The following RARB variants were observed in gnomAD, a reference collection of about 807,000 sequenced individuals.
The protein encoded by RARB is HBV-activated protein.
Under a neutral mutation model 51.9 loss-of-function variants are expected in RARB, and 17 were observed. The observed-to-expected ratio is 0.33, with a 90% CI of 0.22 to 0.49. The LOEUF is 0.49. Among genes scored for constraint, RARB ranks in the 20% least tolerant of loss-of-function variants. The pLI is 0.99. For missense variants in RARB, 369 were observed against 550.8 expected (o/e 0.67, Z 3.30); for synonymous variants, 215 against 195.4 (o/e 1.10, Z -0.84).
intron 3 of RARB, among the ~76,000 whole-genome samples, chr3:25,082,369 T>G (rs1304170675): frequency 3.9e-5 from 6 of 152,108 alleles, no homozygotes; most frequent in Admixed American, 1.3e-4. Flanking sequence ...TAATTCTTCT[T>G]TTTTCTGATT....
At chr3:25,092,489 A>G (rs181436515) in intron 3 of RARB, among the ~76,000 whole-genome samples, 45 of 152,184 alleles carry the variant, frequency 3.0e-4, no homozygotes, top group African/African-American at 1.0e-3. Context: ...TCTTATTTTT[A>G]CTATTGTTCC....
At chr3:25,517,695 A>G (rs1290861534) in intron 3 of RARB, among the ~76,000 whole-genome samples, 1 of 152,236 alleles carries the variant, frequency 6.6e-6, no homozygotes, top group Non-Finnish European at 1.5e-5. Flanking sequence ...GTTGACAGAA[A>G]TGCTCATAGA....
chr3:24,866,498 G>C (rs1490554980), intron 2 of RARB, among the ~76,000 whole-genome samples: 1 of 152,120 alleles, frequency 6.6e-6, no homozygotes, highest in African/African-American at 2.4e-5. Context: ...ATGAATTCCA[G>C]CATGCCACAC....
intron 5 of RARB, among the ~76,000 whole-genome samples, chr3:25,416,881 T>C (rs1049536846): frequency 1.3e-5 from 2 of 152,190 alleles, no homozygotes; most frequent in African/African-American, 4.8e-5. Flanking sequence ...GCCTCCTCTG[T>C]TACTGTTGTG....
At chr3:25,291,035 CA>C (rs1272098221) in intron 5 of RARB, among the ~76,000 whole-genome samples, 1 of 152,196 alleles carries the variant, frequency 6.6e-6, no homozygotes, top group Non-Finnish European at 1.5e-5. Context: ...TTTTGCCCTA[CA>C]ACAGATCACT....
At position 25,461,184 on chromosome 3, in the gene RARB, C is replaced by A. The variant is rs78470280; in HGVS notation, c.158-9C>A. 11 of 1,602,474 alleles carry A rather than the reference C, an allele frequency of 6.9e-6. No individual in the cohort carries two copies. Among genetic ancestry groups the A allele is most frequent in the Admixed American group, 1.7e-5 (1 of 57,578 alleles). On this transcript the variant is annotated splice_polypyrimidine_tract_variant and intron_variant, in intron 1 of 7. Coordinates refer to ENST00000330688, the MANE Select transcript of RARB (RefSeq NM_000965.5). ...TCTTTTTTCTCCCTCTACCCCATCT[C>A]TATTATAGCAATTGAAACACAGAGC...
chr3:24,915,600 A>G (rs1256910547), intron 2 of RARB, among the ~76,000 whole-genome samples: 1 of 152,190 alleles, frequency 6.6e-6, no homozygotes, highest in Non-Finnish European at 1.5e-5. Flanking sequence ...ATGTTGTTTC[A>G]TGAAGGTTTT....
chr3:25,236,732 T>C (rs866418016), intron 5 of RARB, among the ~76,000 whole-genome samples: 25 of 152,128 alleles, frequency 1.6e-4, no homozygotes, highest in African/African-American at 5.8e-4. Flanking sequence ...TAGCATTTCA[T>C]ATTGAATTTG....
chr3:25,483,959 G>T (rs1317779630), intron 2 of RARB, among the ~76,000 whole-genome samples: 1 of 152,170 alleles, frequency 6.6e-6, no homozygotes, highest in African/African-American at 2.4e-5. Flanking sequence ...TTTCAGTTTG[G>T]TTATAAATGT....
intron 4 of RARB, among the ~76,000 whole-genome samples, chr3:25,145,171 C>G (rs1274650340): frequency 1.3e-5 from 2 of 152,112 alleles, no homozygotes; most frequent in Non-Finnish European, 2.9e-5. Flanking sequence ...AATAAAATTG[C>G]TATTTTTGTC....
chr3:25,549,865 C>T (rs757498798), intron 3 of RARB, among the ~76,000 whole-genome samples: 1 of 151,702 alleles, frequency 6.6e-6, no homozygotes, highest in Non-Finnish European at 1.5e-5. Context: ...CCAAAATTTA[C>T]ACAACTACTA....
At chr3:25,200,986 T>C (rs1013096497) in intron 5 of RARB, among the ~76,000 whole-genome samples, 1 of 152,216 alleles carries the variant, frequency 6.6e-6, no homozygotes, top group Non-Finnish European at 1.5e-5. Flanking sequence ...AAGAAAGTCA[T>C]TGGTAGATTG....
intron 5 of RARB, among the ~76,000 whole-genome samples, chr3:25,300,602 C>T (rs914617968): frequency 1.3e-5 from 2 of 152,084 alleles, no homozygotes; most frequent in African/African-American, 4.8e-5. Context: ...GATCATAAAG[C>T]CTTTAAAAGG....
chr3:25,136,351 T>C (rs1276410997), intron 4 of RARB, among the ~76,000 whole-genome samples: 2 of 151,992 alleles, frequency 1.3e-5, no homozygotes, highest in Non-Finnish European at 2.9e-5. Context: ...ATTAAAAAAA[T>C]TCCAACCATT....
intron 5 of RARB, among the ~76,000 whole-genome samples, chr3:25,382,888 AAC>A (rs1706672090): frequency 6.6e-6 from 1 of 152,182 alleles, no homozygotes. Context: ...GTATCAGGAT[AAC>A]ACAGCTGGCA....
At chr3:25,429,612 C>T (rs1575394813) in intron 1 of RARB, among the ~76,000 whole-genome samples, 1 of 152,092 alleles carries the variant, frequency 6.6e-6, no homozygotes, top group Non-Finnish European at 1.5e-5. Context: ...CAGTTCAGCC[C>T]GGAACGTGGA....
intron 2 of RARB, among the ~76,000 whole-genome samples, chr3:24,914,996 T>C (rs1195591960): frequency 6.6e-6 from 1 of 152,236 alleles, no homozygotes; most frequent in Non-Finnish European, 1.5e-5. Context: ...CATAGCATTA[T>C]AGAGATTGAT....
At chr3:25,335,066 C>G (rs902442344) in intron 5 of RARB, among the ~76,000 whole-genome samples, 2 of 152,032 alleles carry the variant, frequency 1.3e-5, no homozygotes, top group African/African-American at 4.8e-5. Flanking sequence ...AATTCCAGCC[C>G]CCACCCATGC....
intron 5 of RARB, among the ~76,000 whole-genome samples, chr3:25,398,578 G>C (rs1707179762): frequency 1.3e-5 from 2 of 152,142 alleles, no homozygotes; most frequent in Admixed American, 1.3e-4. Flanking sequence ...TTAATGTTGA[G>C]ATACACTGAT....
Sources: gnomAD v4.1 joint callset for allele counts (sites outside exome capture counted in the v4.1 genomes callset) on GRCh38, gnomAD v4.1.1 for gene constraint, MANE v1.5 for transcripts, NCBI Gene and HGNC (gene_info 2026-07-23, HGNC 2026-07-21) for gene names.